AUTS2: variants seen among roughly 807,000 people sequenced by gnomAD.
The protein encoded by AUTS2 is activator of transcription and developmental regulator AUTS2, also known as autism susceptibility gene 2 protein.
In AUTS2, 17 loss-of-function variants were observed where a neutral mutation model predicts 112.4. That is an observed-to-expected ratio of 0.15 (90% CI 0.10 to 0.23). The LOEUF (loss-of-function observed/expected upper bound fraction) is 0.23. Among genes scored for constraint, AUTS2 ranks in the 10% least tolerant of loss-of-function variants. AUTS2 has a pLI of 1.00. For missense variants in AUTS2, 1,510 were observed against 1,701.6 expected (o/e 0.89, Z 1.98); for synonymous variants, 751 against 702.7 (o/e 1.07, Z -1.09).
intron 1 of AUTS2, among the ~76,000 whole-genome samples, chr7:69,685,351 G>T (rs1460593111): frequency 6.6e-6 from 1 of 152,194 alleles, no homozygotes; most frequent in East Asian, 1.9e-4. Context: ...CTGGATAGGA[G>T]CCTGTTCATT....
At chr7:70,528,034 G>A (rs968137595) in intron 5 of AUTS2, among the ~76,000 whole-genome samples, 1 of 150,888 alleles carries the variant, frequency 6.6e-6, no homozygotes, top group Non-Finnish European at 1.5e-5. Context: ...AAATTTAGAG[G>A]ATGGGTAACA....
Position 69,680,913 on chromosome 7 carries a change from G to A in AUTS2, c.309+80951G>A, listed in dbSNP as rs374591146. On this transcript the variant is annotated intron_variant, in intron 1 of 18. Transcript: ENST00000342771. ...TTGAACTCCTGACCTCAAGTAATCC[G>A]CCAGCCTCAGCCTCCCAAAGTGCTG... Among the ~76,000 whole-genome samples the A allele has an allele frequency of 1.1e-4, 16 of 152,166 alleles. 1 individual carries two copies. In the Middle Eastern group the frequency reaches 0.01, roughly 97 times the overall value.
chr7:70,305,666 T>TA (rs2129614383), intron 4 of AUTS2, among the ~76,000 whole-genome samples: 1 of 152,300 alleles, frequency 6.6e-6, no homozygotes, highest in Admixed American at 6.5e-5. Context: ...CAGTGTAGTT[T>TA]AAAAAAATCA....
intron 5 of AUTS2, among the ~76,000 whole-genome samples, chr7:70,550,145 T>C (rs1800959428): frequency 6.6e-6 from 1 of 152,140 alleles, no homozygotes; most frequent in Non-Finnish European, 1.5e-5. Context: ...AATCTTATGC[T>C]CAAGAATTTA....
intron 4 of AUTS2, among the ~76,000 whole-genome samples, chr7:70,160,718 G>C (rs1264061336): frequency 6.6e-6 from 1 of 152,146 alleles, no homozygotes; most frequent in Admixed American, 6.5e-5. Flanking sequence ...TTGTGAAAGG[G>C]CCTTCATCAA....
In AUTS2 at chr7:69,608,149, G is replaced by T. The variant is rs369437915; in HGVS notation, c.309+8187G>T. 3.9e-4 allele frequency among the ~76,000 whole-genome samples: 60 copies of T among 152,200 alleles called. 1 individual carries two copies. In the South Asian group the frequency reaches 0.012, roughly 31 times the overall value. On this transcript the variant is annotated intron_variant, in intron 1 of 18. Coordinates refer to ENST00000342771, the MANE Select transcript of AUTS2 (RefSeq NM_015570.4). ...GAGTTTTGCCATGTTGCCCAGGCTG[G>T]TTTCAAACTCCTGGGCTCAAGCAAT...
intron 1 of AUTS2, among the ~76,000 whole-genome samples, chr7:69,639,667 C>G (rs1479032815): frequency 6.6e-6 from 1 of 152,222 alleles, no homozygotes; most frequent in Non-Finnish European, 1.5e-5. Context: ...CACCTAAAGG[C>G]TTCCGTCTTG....
chr7:69,758,777 T>C (rs1788045041), intron 1 of AUTS2, among the ~76,000 whole-genome samples: 1 of 152,148 alleles, frequency 6.6e-6, no homozygotes, highest in Non-Finnish European at 1.5e-5. Flanking sequence ...CTGAGCAATC[T>C]TTGCAGAGAC....
chr7:70,507,658 A>T (rs911612819), intron 5 of AUTS2, among the ~76,000 whole-genome samples: 1 of 151,998 alleles, frequency 6.6e-6, no homozygotes, highest in Admixed American at 6.6e-5. Flanking sequence ...TTAGCCAGGT[A>T]TGGTGACGGG....
At chr7:70,117,038 A>T (rs1414907015) in intron 2 of AUTS2, among the ~76,000 whole-genome samples, 1 of 150,264 alleles carries the variant, frequency 6.7e-6, no homozygotes, top group African/African-American at 2.4e-5. Flanking sequence ...TTCATTTTTA[A>T]TGGAAAACCA....
intron 6 of AUTS2, among the ~76,000 whole-genome samples, chr7:70,732,885 CA>C (rs1787513500): frequency 6.6e-6 from 1 of 152,200 alleles, no homozygotes; most frequent in Non-Finnish European, 1.5e-5. Context: ...TCATAACACA[CA>C]CTTGAGGTAG....
chr7:70,006,028 G>C (rs1250188057), intron 2 of AUTS2, among the ~76,000 whole-genome samples: 1 of 152,166 alleles, frequency 6.6e-6, no homozygotes, highest in East Asian at 1.9e-4. Context: ...ATGCACGCAT[G>C]TGTTAGTGTT....
At chr7:70,299,238 G>A (rs954880348) in intron 4 of AUTS2, among the ~76,000 whole-genome samples, 2 of 151,968 alleles carry the variant, frequency 1.3e-5, no homozygotes, top group Non-Finnish European at 2.9e-5. Flanking sequence ...ATGTTTTTCT[G>A]CCTCCAGACT....
At chr7:70,642,466 G>A (rs1421115227) in intron 5 of AUTS2, among the ~76,000 whole-genome samples, 2 of 152,068 alleles carry the variant, frequency 1.3e-5, no homozygotes, top group African/African-American at 4.8e-5. Context: ...TTAGGTCTTT[G>A]TTTCACCCCA....
At chr7:69,748,019 A>G (rs1244777058) in intron 1 of AUTS2, among the ~76,000 whole-genome samples, 5 of 150,874 alleles carry the variant, frequency 3.3e-5, no homozygotes, top group Non-Finnish European at 5.9e-5. Context: ...TCGAATCTAG[A>G]TAGAATAAAT....
At chr7:70,581,503 G>A (rs1802442341) in intron 5 of AUTS2, among the ~76,000 whole-genome samples, 1 of 152,176 alleles carries the variant, frequency 6.6e-6, no homozygotes, top group Non-Finnish European at 1.5e-5. Context: ...GGCTATGATT[G>A]CACCACTGCA....
Position 69,877,360 on chromosome 7 carries a change from G to A in AUTS2, c.310-21926G>A, listed in dbSNP as rs1169994908. ...CAGTTGGACAAATCACTTAGAGTAA[G>A]CACCTCATTTTAAAGTTTTATATTT... On this transcript the variant is annotated intron_variant, in intron 1 of 18. Transcript: ENST00000342771. Among the ~76,000 whole-genome samples, 4 of 152,148 alleles carry A rather than the reference G, an allele frequency of 2.6e-5. No individual in the cohort carries two copies. In the East Asian group the frequency reaches 5.8e-4, roughly 22 times the overall value.
intron 4 of AUTS2, among the ~76,000 whole-genome samples, chr7:70,165,605 A>G (rs919419496): frequency 2.0e-5 from 3 of 152,170 alleles, no homozygotes; most frequent in Admixed American, 6.5e-5. Flanking sequence ...AGATGAAGCA[A>G]GAGAAGTTTT....
rs898559353 is a variant in AUTS2 at position 70,281,629 on chromosome 7, A to T, written c.660+147058A>T. Among the ~76,000 whole-genome samples, 10 of 151,432 alleles carry T rather than the reference A, an allele frequency of 6.6e-5. 1 individual carries two copies. The highest frequency in any genetic ancestry group is 5.9e-4 in the Admixed American group (9 of 15,248). Reference sequence around the variant, plus strand: ...AAGAAAAATATGATCTGTTTGGGGTATTACAATCCAGTGTGTATTTTCTAT... The same window carrying T: ...AAGAAAAATATGATCTGTTTGGGGTTTTACAATCCAGTGTGTATTTTCTAT... On this transcript the variant is annotated intron_variant, in intron 4 of 18. Coordinates refer to ENST00000342771, the MANE Select transcript of AUTS2 (RefSeq NM_015570.4).
Sources: gnomAD v4.1 joint callset for allele counts (sites outside exome capture counted in the v4.1 genomes callset) on GRCh38, gnomAD v4.1.1 for gene constraint, MANE v1.5 for transcripts, NCBI Gene and HGNC (gene_info 2026-07-23, HGNC 2026-07-21) for gene names.